ATP11A: variants seen among roughly 807,000 people sequenced by gnomAD.
ATP11A encodes ATPase phospholipid transporting 11A.
ATP11A carries 81 observed loss-of-function variants against 154.4 expected under a neutral mutation model. The ratio of observed to expected loss-of-function variants is 0.52; its 90% confidence interval spans 0.44 to 0.63. The LOEUF (loss-of-function observed/expected upper bound fraction) is 0.63. Among genes scored for constraint, ATP11A ranks in the 30% least tolerant of loss-of-function variants. ATP11A has a pLI of 0.00. For missense variants in ATP11A, 1,316 were observed against 1,474.3 expected (o/e 0.89, Z 1.76); for synonymous variants, 623 against 585.9 (o/e 1.06, Z -0.91).
intron 17 of ATP11A, among the ~76,000 whole-genome samples, chr13:112,848,040 G>A (rs959300017): frequency 4.6e-5 from 7 of 152,174 alleles, no homozygotes; most frequent in South Asian, 4.1e-4. Context: ...GTAGTGAGCC[G>A]TGATGGCACC....
intron 1 of ATP11A, among the ~76,000 whole-genome samples, chr13:112,783,239 CAA>C (rs915335059): frequency 2.0e-5 from 3 of 152,316 alleles, no homozygotes; most frequent in Non-Finnish European, 2.9e-5. Context: ...GGTTTATAAA[CAA>C]GAGCACCACG....
chr13:112,713,969 A>ACTC (rs1566368364), intron 1 of ATP11A, among the ~76,000 whole-genome samples: 1 of 39,844 alleles, frequency 2.5e-5, no homozygotes, highest in Non-Finnish European at 5.2e-5. Flanking sequence ...CTCCCTTCCC[A>ACTC]CCCAGCTTCC....
At chr13:112,759,286 A>G (rs1199588451) in intron 1 of ATP11A, among the ~76,000 whole-genome samples, 1 of 152,158 alleles carries the variant, frequency 6.6e-6, no homozygotes, top group Non-Finnish European at 1.5e-5. Context: ...GCTGGGGTTT[A>G]AACCTGGATC....
intron 22 of ATP11A, chr13:112,858,723 A>C (rs2080010412): frequency 1.2e-5 from 2 of 164,022 alleles, no homozygotes; most frequent in African/African-American, 4.8e-5. Flanking sequence ...CACAAGAAGA[A>C]GGGTGAATAT....
intron 7 of ATP11A, 47 bp from the exon 8 acceptor site, chr13:112,819,853 G>T: frequency 6.2e-7 from 1 of 1,611,344 alleles, no homozygotes; most frequent in Non-Finnish European, 8.5e-7. Context: ...CGCTTCCCGG[G>T]GGCCGCTGGG....
intron 1 of ATP11A, among the ~76,000 whole-genome samples, chr13:112,780,679 T>C (rs1162168711): frequency 6.6e-6 from 1 of 152,094 alleles, no homozygotes; most frequent in African/African-American, 2.4e-5. Flanking sequence ...CAGCACAGGG[T>C]AGATTTTTAC....
chr13:112,759,095 A>T (rs1261098506), intron 1 of ATP11A, among the ~76,000 whole-genome samples: 2 of 152,260 alleles, frequency 1.3e-5, no homozygotes, highest in African/African-American at 4.8e-5. Context: ...GGGTATAGAA[A>T]TTCATCCATT....
intron 1 of ATP11A, among the ~76,000 whole-genome samples, chr13:112,768,275 C>A (rs1325881090): frequency 4.6e-5 from 7 of 152,268 alleles, no homozygotes. Flanking sequence ...AGCGTCTTCG[C>A]TTTCACTTCT....
intron 28 of ATP11A, among the ~76,000 whole-genome samples, chr13:112,877,577 G>C (rs2080767286): frequency 6.6e-6 from 1 of 152,132 alleles, no homozygotes; most frequent in Non-Finnish European, 1.5e-5. Context: ...GTGTCTGCTG[G>C]GCCCCTAGCT....
At chr13:112,700,284 G>A (rs955719164) in intron 1 of ATP11A, among the ~76,000 whole-genome samples, 3 of 152,174 alleles carry the variant, frequency 2.0e-5, no homozygotes, top group Non-Finnish European at 2.9e-5. Flanking sequence ...AATACGGGAA[G>A]GGCAGGAGAG....
chr13:112,844,574 G>A (rs969454704), intron 17 of ATP11A, among the ~76,000 whole-genome samples: 1 of 152,216 alleles, frequency 6.6e-6, no homozygotes, highest in African/African-American at 2.4e-5. Context: ...CTTCCTATCA[G>A]CAGAATCACA....
At chr13:112,797,643 A>G (rs2078036021) in intron 2 of ATP11A, among the ~76,000 whole-genome samples, 2 of 152,232 alleles carry the variant, frequency 1.3e-5, no homozygotes, top group African/African-American at 4.8e-5. Flanking sequence ...GTTGAAAGAA[A>G]AAGCCAGCAA....
chr13:112,751,489 A>G (rs1375530773), intron 1 of ATP11A, among the ~76,000 whole-genome samples: 3 of 152,122 alleles, frequency 2.0e-5, no homozygotes, highest in Non-Finnish European at 2.9e-5. Flanking sequence ...GTGAAACCCC[A>G]TCTCTATTAA....
At chr13:112,806,318 A>G in intron 4 of ATP11A, 25 bp downstream of exon 4, 1 of 1,568,978 alleles carries the variant, frequency 6.4e-7, no homozygotes, top group Non-Finnish European at 8.8e-7. Context: ...GACGAAAAAG[A>G]AGCAATCGTC....
At chr13:112,691,319 C>A (rs573222542) in intron 1 of ATP11A, among the ~76,000 whole-genome samples, 2 of 151,938 alleles carry the variant, frequency 1.3e-5, no homozygotes, top group African/African-American at 2.4e-5. Context: ...CGAAAATTAG[C>A]CGGGCGTGGT....
Position 112,875,965 on chromosome 13 carries a change from C to CG in ATP11A, c.3327+29dup. On this transcript the variant is annotated intron_variant, in intron 28 of 29. Coordinates refer to ENST00000375645, the MANE Select transcript of ATP11A (RefSeq NM_015205.3). The surrounding 1 kb of genome is among the most constrained non-coding windows in gnomAD (Gnocchi z 4.1). ...AGGTACGGAGTGTCCCCAGCCGGGG[C>CG]GGGGGTGCCTCAGGGCCCTGGCCTT... 1 of 1,596,408 alleles carries CG rather than the reference C, an allele frequency of 6.3e-7. No homozygotes were observed.
In ATP11A at chr13:112,871,811, T is replaced by G; in HGVS notation, c.3057+11T>G. On this transcript the variant is annotated intron_variant, in intron 26 of 29. Coordinates refer to ENST00000375645, the MANE Select transcript of ATP11A (RefSeq NM_015205.3). Reference sequence around the variant, plus strand: ...ACAGTTACACTAAAGGTAAGTGGTCTCGCGCTCACGTTCCTCCCCCAGCCA... The same window carrying G: ...ACAGTTACACTAAAGGTAAGTGGTCGCGCGCTCACGTTCCTCCCCCAGCCA... 1.2e-6 allele frequency: 2 copies of G among 1,613,506 alleles called. No individual in the cohort carries two copies. Among genetic ancestry groups the G allele is most frequent in the Non-Finnish European group, 1.7e-6 (2 of 1,179,358 alleles).
intron 27 of ATP11A, among the ~76,000 whole-genome samples, chr13:112,874,528 A>T (rs2080653923): frequency 6.6e-6 from 1 of 152,194 alleles, no homozygotes; most frequent in Non-Finnish European, 1.5e-5. Context: ...TCCCAGTCTC[A>T]GCCCCAGCGC....
rs1425537621 is a variant in ATP11A at position 112,880,691 on chromosome 13, G to A, written c.*10-1185G>A. The A allele has an allele frequency of 7.3e-5, 91 of 1,254,846 alleles. 2 individuals are homozygous for A. The South Asian group carries it at 1.2e-3, about 16-fold the overall frequency. The allele number at this position is 1,254,846 out of a possible 1,614,324, so 77.7% of individuals were successfully genotyped here. A position where few individuals can be genotyped will look rare whatever the true frequency, so the allele number is the denominator to read the frequency against. The stretch of plus-strand genomic sequence containing the variant: ...TGGACGCCGCCCGTGTGCTGTGACT[G>A]TCAGACCCGTTTTTCCTCCAAAGTT... On this transcript the variant is annotated intron_variant, in intron 29 of 29. Transcript: ENST00000375645.
Sources: allele counts gnomAD v4.1 joint callset (sites outside exome capture counted in the v4.1 genomes callset), GRCh38; gene constraint gnomAD v4.1.1; non-coding constraint Gnocchi (gnomAD v3.1); transcripts MANE v1.5; gene names NCBI Gene and HGNC (gene_info 2026-07-23, HGNC 2026-07-21).